Variants in SLC36A1 observed in about 807,000 individuals in gnomAD.
The protein encoded by SLC36A1 is proton-coupled amino acid transporter 1.
In SLC36A1, 30 loss-of-function variants were observed where a neutral mutation model predicts 47.5. The ratio of observed to expected loss-of-function variants is 0.63; its 90% CI spans 0.47 to 0.86. SLC36A1 has a LOEUF of 0.86. SLC36A1 is among the 40% of genes least tolerant of loss of function. The pLI, the probability that SLC36A1 is intolerant of heterozygous loss-of-function variation, is 0.00. For missense variants in SLC36A1, 517 were observed against 606.0 expected (o/e 0.85, Z 1.54); for synonymous variants, 255 against 249.7 (o/e 1.02, Z -0.20).
intron 1 of SLC36A1, among the ~76,000 whole-genome samples, chr5:151,456,856 A>G (rs893483420): frequency 2.0e-5 from 3 of 152,070 alleles, no homozygotes; most frequent in Admixed American, 1.3e-4. Context: ...CTGGCACTGG[A>G]CCTAAGGAGA....
chr5:151,530,622 G>C, the SLC36A1 span, among the ~76,000 whole-genome samples: 1 of 152,212 alleles, frequency 6.6e-6, no homozygotes, highest in Admixed American at 6.5e-5. Flanking sequence ...GTTTCGAAAA[G>C]ACATTTATGA....
chr5:151,348,657 T>G, the SLC36A1 span, among the ~76,000 whole-genome samples: 2 of 152,198 alleles, frequency 1.3e-5, no homozygotes, highest in Non-Finnish European at 2.9e-5. Flanking sequence ...ACCACTACTT[T>G]CCCCTTCTCC....
the SLC36A1 span, among the ~76,000 whole-genome samples, chr5:151,371,788 C>T: frequency 1.3e-5 from 2 of 152,026 alleles, no homozygotes; most frequent in Non-Finnish European, 2.9e-5. Flanking sequence ...AAACTTTCTA[C>T]CTAATAGCAT....
At chr5:151,368,049 A>G in the SLC36A1 span, among the ~76,000 whole-genome samples, 4 of 152,250 alleles carry the variant, frequency 2.6e-5, no homozygotes, top group Admixed American at 2.0e-4. Context: ...GCCAAATTAT[A>G]CAACCACCTG....
chr5:151,402,260 G>A, the SLC36A1 span, among the ~76,000 whole-genome samples: 1 of 151,914 alleles, frequency 6.6e-6, no homozygotes, highest in Non-Finnish European at 1.5e-5. Flanking sequence ...TGTTTTTTAT[G>A]TTTAATTCTA....
chr5:151,423,644 T>G, the SLC36A1 span, among the ~76,000 whole-genome samples: 1 of 152,126 alleles, frequency 6.6e-6, no homozygotes, highest in Non-Finnish European at 1.5e-5. Context: ...GAGAGAGAGA[T>G]GAACAGATGA....
At chr5:151,543,810 G>A in the SLC36A1 span, 1 of 1,614,078 alleles carries the variant, frequency 6.2e-7, no homozygotes, top group Non-Finnish European at 8.5e-7. Flanking sequence ...TGCAAAGGTT[G>A]AACATAGAAA....
chr5:151,351,400 A>G, the SLC36A1 span, among the ~76,000 whole-genome samples: 1 of 151,724 alleles, frequency 6.6e-6, no homozygotes, highest in Non-Finnish European at 1.5e-5. Flanking sequence ...AAAAAAAGCT[A>G]TTCCTGAGAA....
chr5:151,409,644 C>A, the SLC36A1 span, among the ~76,000 whole-genome samples: 1 of 152,148 alleles, frequency 6.6e-6, no homozygotes, highest in South Asian at 2.1e-4. Context: ...CAGGCCCCAC[C>A]CTGGACCTCC....
At chr5:151,511,249 T>C in the SLC36A1 span, 1 of 152,144 alleles carries the variant, frequency 6.6e-6, no homozygotes, top group East Asian at 1.9e-4. Context: ...AAAGGGGTAA[T>C]GCGAAGTGTT....
the SLC36A1 span, chr5:151,544,340 C>T: frequency 6.2e-7 from 1 of 1,614,208 alleles, no homozygotes; most frequent in Non-Finnish European, 8.5e-7. Context: ...TTGACATCCT[C>T]CACTAGGACT....
At chr5:151,479,679 T>G in intron 10 of SLC36A1, 190 bp downstream of exon 10, 1 of 596,070 alleles carries the variant, frequency 1.7e-6, no homozygotes, top group Non-Finnish European at 2.9e-6. Flanking sequence ...ACATATGTAC[T>G]GTAAAGAACA....
At chr5:151,438,770 T>C (rs1013209916) in intron 1 of SLC36A1, among the ~76,000 whole-genome samples, 1 of 152,210 alleles carries the variant, frequency 6.6e-6, no homozygotes, top group Non-Finnish European at 1.5e-5. Flanking sequence ...AGACCTGGCA[T>C]TGGTGGCAGA....
chr5:151,505,538 C>T, the SLC36A1 span: 29 of 1,613,446 alleles, frequency 1.8e-5, no homozygotes, highest in Middle Eastern at 1.6e-4. Flanking sequence ...CTTGGCCTCC[C>T]GCCTGCCTTG....
chr5:151,467,136 C>T, intron 5 of SLC36A1, 63 bp from the exon 6 acceptor site: 9 of 1,300,272 alleles, frequency 6.9e-6, no homozygotes, highest in Admixed American at 2.1e-5. Flanking sequence ...AAACACCTCC[C>T]CTTCTGGGAG....
chr5:151,423,969 A>G, the SLC36A1 span, among the ~76,000 whole-genome samples: 4 of 134,812 alleles, frequency 3.0e-5, no homozygotes, highest in African/African-American at 1.3e-4. Context: ...ACGATCTATT[A>G]AAAAACAAAC....
the SLC36A1 span, among the ~76,000 whole-genome samples, chr5:151,359,615 C>T: frequency 6.6e-6 from 1 of 152,190 alleles, no homozygotes; most frequent in African/African-American, 2.4e-5. Flanking sequence ...TTCAATCACA[C>T]CTAATAGTCT....
chr5:151,504,177 A>C, the SLC36A1 span: 5 of 152,556 alleles, frequency 3.3e-5, no homozygotes, highest in East Asian at 9.6e-4. Context: ...AGTCACACAC[A>C]CAGCCACAAA....
chr5:151,372,115 C>G, the SLC36A1 span, among the ~76,000 whole-genome samples: 2 of 152,140 alleles, frequency 1.3e-5, no homozygotes, highest in African/African-American at 2.4e-5. Flanking sequence ...TTTTGGAACC[C>G]TAGTTTCCGT....
Sources: gnomAD v4.1 joint callset for allele counts (sites outside exome capture counted in the v4.1 genomes callset) on GRCh38, gnomAD v4.1.1 for gene constraint, MANE v1.5 for transcripts, NCBI Gene and HGNC (gene_info 2026-07-23, HGNC 2026-07-21) for gene names.